MICALL1: variants seen among roughly 807,000 people sequenced by gnomAD.
The protein encoded by MICALL1 is MICAL-like protein 1.
Under a neutral mutation model 83.7 loss-of-function variants are expected in MICALL1, and 61 were observed. That is an observed-to-expected ratio of 0.73 (90% CI 0.59 to 0.90). MICALL1 has a LOEUF of 0.90. Ranked by LOEUF, MICALL1 falls within the 40% of genes least tolerant of loss-of-function variation. The probability of loss-of-function intolerance (pLI) is 0.00; values close to 1 mark genes in which losing one functional copy is unlikely to be tolerated. For synonymous variants in MICALL1, 481 were observed against 473.6 expected, an observed-to-expected ratio of 1.02 and a Z score of -0.20; for missense variants, 1,066 against 1,152.0, an observed-to-expected ratio of 0.93 and a Z score of 1.08.
At chr22:37,937,215 G>A in intron 14 of MICALL1, 21 bp downstream of exon 14, 8 of 1,537,774 alleles carry the variant, frequency 5.2e-6, no homozygotes, top group Non-Finnish European at 7.0e-6. Context: ...CAGGGGTGGG[G>A]GGTCCTGGGG....
intron 3 of MICALL1, among the ~76,000 whole-genome samples, 182 bp downstream of exon 3, chr22:37,912,674 T>C (rs1415458250): frequency 3.4e-5 from 5 of 147,228 alleles, no homozygotes; most frequent in Non-Finnish European, 6.0e-5. Context: ...AGTTTCGCTC[T>C]TTTTTTTTTT....
At chr22:37,922,601 A>ATATATATAT (rs1432520739) in intron 6 of MICALL1, among the ~76,000 whole-genome samples, 175 bp downstream of exon 6, 12 of 31,950 alleles carry the variant, frequency 3.8e-4, no homozygotes, top group Admixed American at 4.3e-4. Context: ...ATATATATAT[A>ATATATATAT]TTTTTTTTTT....
chr22:37,906,427 C>T lies in MICALL1; in HGVS notation c.5C>T (p.Ala2Val). The T allele has an allele frequency of 8.7e-7, 1 of 1,146,076 alleles. No individual in the cohort carries two copies. Among genetic ancestry groups the T allele is most frequent in the Non-Finnish European group, 1.1e-6 (1 of 933,012 alleles). 71.0% of individuals were successfully genotyped at this position (1,146,076 alleles called of 1,614,324 possible). A position where few individuals can be genotyped will look rare whatever the true frequency, so the allele number is the denominator to read the frequency against. M[A>V]GPRGALLAWC... The stretch of plus-strand genomic sequence containing the variant: ...AGCCGGGCGGGCCGCGGGGTCATGG[C>T]TGGGCCGCGGGGCGCGCTGCTGGCC... Residue 2 changes from alanine to valine, a missense_variant, in exon 1 of 16, where the codon GCT becomes GTT. Transcript: ENST00000215957. This position sits in a 1 kb window ranked among gnomAD's most constrained non-coding sequence, Gnocchi z 4.4.
At position 37,919,247 on chromosome 22, in the gene MICALL1, GTGCGCCAGGCACC is replaced by G. The variant is rs1928874436; in HGVS notation, c.569+71_569+83del. The G allele has an allele frequency of 4.9e-6, 7 of 1,418,636 alleles. No individual in the cohort carries two copies. The South Asian group carries it at 1.1e-4, about 22-fold the overall frequency. The allele number at this position is 1,418,636 out of a possible 1,614,324, so 87.9% of individuals were successfully genotyped here. A position where few individuals can be genotyped will look rare whatever the true frequency, so the allele number is the denominator to read the frequency against. ...GGCTACCGTGGGTTCAGCACACACA[GTGCGCCAGGCACC>G]TTGCCAGGCCCTTCACACCAGAGCC... On this transcript the variant is annotated intron_variant, in intron 5 of 15. Coordinates refer to ENST00000215957, the MANE Select transcript of MICALL1 (RefSeq NM_033386.4).
intron 15 of MICALL1, among the ~76,000 whole-genome samples, chr22:37,939,773 C>CAAAA (rs147934175): frequency 2.3e-5 from 1 of 44,442 alleles, no homozygotes; most frequent in African/African-American, 9.6e-5. Context: ...GTCTCCGTCT[C>CAAAA]AAAAAAAAAA....
At chr22:37,917,557 G>A (rs956851958) in intron 3 of MICALL1, 150 bp from the exon 4 acceptor site, 11 of 637,184 alleles carry the variant, frequency 1.7e-5, no homozygotes, top group East Asian at 5.8e-5. Flanking sequence ...CCCCGGGCCC[G>A]TGTGAAGCGG....
At chr22:37,922,796 GT>G (rs574266914) in intron 6 of MICALL1, among the ~76,000 whole-genome samples, 1,565 of 69,226 alleles carry the variant, frequency 0.023, 11 homozygotes, top group Non-Finnish European at 0.033. Context: ...GTTTTTTTTT[GT>G]TTTTTTTTTT....
chr22:37,941,011 C>G lies in MICALL1; in HGVS notation c.*181C>G. On this transcript the variant is annotated 3_prime_UTR_variant, in exon 16 of 16. Coordinates refer to ENST00000215957, the MANE Select transcript of MICALL1 (RefSeq NM_033386.4). ...CTCTGACTGCTCTGGGCCAAAGAATCTCTTGTTTCTTCTCCGAGCCCCAGG... is the reference window on the plus strand; with the variant it reads ...CTCTGACTGCTCTGGGCCAAAGAATGTCTTGTTTCTTCTCCGAGCCCCAGG... 1.4e-6 allele frequency: 1 copy of G among 693,326 alleles called. No homozygotes were observed. Among genetic ancestry groups the G allele is most frequent in the South Asian group, 2.0e-5 (1 of 50,132 alleles). The allele number at this position is 693,326 out of a possible 1,614,324, so 42.9% of individuals were successfully genotyped here.
intron 13 of MICALL1, among the ~76,000 whole-genome samples, chr22:37,934,684 C>T (rs1260692352): frequency 1.3e-5 from 2 of 150,804 alleles, no homozygotes; most frequent in Non-Finnish European, 3.0e-5. Flanking sequence ...GCAAGCTCTG[C>T]CTCCCGGGTT....
Position 37,937,760 on chromosome 22 carries a change from A to G in MICALL1, c.2438A>G (p.Asp813Gly), listed in dbSNP as rs765675660. The stretch of plus-strand genomic sequence containing the variant: ...GCTTATTTCAGGGAGGAAGAGGAAG[A>G]CAAGATGTTGGAAGCCATGATCAAG... ...DEDRQREEEE[D>G]KMLEAMIKKK... Residue 813 changes from aspartate (D) to glycine (G), a missense_variant, in exon 15 of 16, where the codon GAC becomes GGC. Physicochemically the swap from Asp to Gly is moderately conservative, Grantham distance 94. Transcript: ENST00000215957. 1 of 1,613,582 alleles carries G rather than the reference A, an allele frequency of 6.2e-7. No individual in the cohort carries two copies. Among genetic ancestry groups the G allele is most frequent in the East Asian group, 2.2e-5 (1 of 44,860 alleles).
intron 9 of MICALL1, among the ~76,000 whole-genome samples, 162 bp downstream of exon 9, chr22:37,927,988 AG>A (rs200619144): frequency 0.03 from 4,511 of 152,082 alleles, 215 homozygotes; most frequent in African/African-American, 0.1. Flanking sequence ...GCTCACTGCA[AG>A]CTCTGCCTCC....
chr22:37,915,587 TGAG>T (rs1928626546), intron 3 of MICALL1, among the ~76,000 whole-genome samples: 1 of 151,918 alleles, frequency 6.6e-6, no homozygotes, highest in South Asian at 2.1e-4. Context: ...AGGGTTGACT[TGAG>T]GAGTAAATGA....
intron 9 of MICALL1, among the ~76,000 whole-genome samples, chr22:37,929,834 G>C (rs1929692435): frequency 6.6e-6 from 1 of 152,248 alleles, no homozygotes; most frequent in African/African-American, 2.4e-5. Flanking sequence ...TGGCAGGACA[G>C]CCTTTGTGGG....
rs1281938393 is a variant in MICALL1 at position 37,906,370 on chromosome 22, C to T, written c.-53C>T. The stretch of plus-strand genomic sequence containing the variant: ...CGGGCCCGCGCGGCGGCCGCCGTCC[C>T]GGCCAAGCCGGGGCCCCGAAGCCAG... On this transcript the variant is annotated 5_prime_UTR_variant, in exon 1 of 16. Coordinates refer to ENST00000215957, the MANE Select transcript of MICALL1 (RefSeq NM_033386.4). This position sits in a 1 kb window ranked among gnomAD's most constrained non-coding sequence, Gnocchi z 4.4. 1.4e-4 allele frequency: 147 copies of T among 1,036,768 alleles called. 1 individual carries two copies. The highest frequency in any genetic ancestry group is 2.4e-4 in the East Asian group (3 of 12,492). The allele number at this position is 1,036,768 out of a possible 1,614,324, so 64.2% of individuals were successfully genotyped here. A position where few individuals can be genotyped will look rare whatever the true frequency, so the allele number is the denominator to read the frequency against.
chr22:37,923,700 G>A (rs980057061), intron 6 of MICALL1, among the ~76,000 whole-genome samples: 2 of 152,208 alleles, frequency 1.3e-5, no homozygotes, highest in African/African-American at 4.8e-5. Context: ...GTTTCAGGGT[G>A]TGTAGTAAGT....
chr22:37,912,058 TGTGTG>T, intron 2 of MICALL1, 58 bp downstream of exon 2: 1 of 1,590,978 alleles, frequency 6.3e-7, no homozygotes, highest in Non-Finnish European at 8.6e-7. Flanking sequence ...TGTGTGTGTG[TGTGTG>T]TTTGGTGGGG....
chr22:37,936,861 C>A lies in MICALL1; in HGVS notation c.2309-219C>A, dbSNP rs866437678. 2.2e-4 allele frequency among the ~76,000 whole-genome samples: 33 copies of A among 151,046 alleles called. 1 individual carries two copies. Among genetic ancestry groups the A allele is most frequent in the Middle Eastern group, 6.8e-3 (2 of 294 alleles). On this transcript the variant is annotated intron_variant, in intron 13 of 15. Coordinates refer to ENST00000215957, the MANE Select transcript of MICALL1 (RefSeq NM_033386.4). Reference sequence around the variant, plus strand: ...GAGCCAAGATCACGCCACTGCACTCCAGCCTGGGCGACAGAGTGAGACTCC... The same window carrying A: ...GAGCCAAGATCACGCCACTGCACTCAAGCCTGGGCGACAGAGTGAGACTCC...
In MICALL1 at chr22:37,937,163, A is replaced by G. The variant is rs1930175454; in HGVS notation, c.2392A>G (p.Ile798Val). Residue 798 changes from isoleucine to valine, a missense_variant, in exon 14 of 16, where the codon ATC becomes GTC. By Grantham distance (29) the Ile-to-Val change is conservative. Transcript: ENST00000215957. ...LVTLIEQRNA[I>V]INCLDEDRQR... ...GACCCTCATTGAGCAGCGCAACGCT[A>G]TCATCAACTGCCTGGATGAGGACCG... 1.3e-6 allele frequency: 2 copies of G among 1,550,922 alleles called. No homozygotes were observed. The highest frequency in any genetic ancestry group is 2.0e-5 in the Admixed American group (1 of 50,924).
chr22:37,926,208 C>T (rs1929430038), intron 8 of MICALL1, among the ~76,000 whole-genome samples, 165 bp downstream of exon 8: 1 of 152,162 alleles, frequency 6.6e-6, no homozygotes, highest in Non-Finnish European at 1.5e-5. Context: ...GTATCGTCAC[C>T]TCCACTTTGC....
Sources: allele counts gnomAD v4.1 joint callset (sites outside exome capture counted in the v4.1 genomes callset), GRCh38; gene constraint gnomAD v4.1.1; non-coding constraint Gnocchi (gnomAD v3.1); transcripts MANE v1.5; gene names NCBI Gene and HGNC (gene_info 2026-07-23, HGNC 2026-07-21).